Variants in SNTB1 observed in about 807,000 individuals in gnomAD.
SNTB1 encodes the protein syntrophin beta 1.
In SNTB1, 36 loss-of-function variants were observed where a neutral mutation model predicts 48.9. The observed-to-expected ratio is 0.74, with a 90% CI of 0.56 to 0.97. SNTB1 has a LOEUF of 0.97. SNTB1 is among the 50% of genes least tolerant of loss of function. The pLI is 0.00. For missense variants in SNTB1, 786 were observed against 703.4 expected (o/e 1.12, Z -1.33); for synonymous variants, 299 against 294.6 (o/e 1.01, Z -0.15).
At chr8:120,684,655 AT>A (rs1554652904) in intron 2 of SNTB1, among the ~76,000 whole-genome samples, 168 of 141,698 alleles carry the variant, frequency 1.2e-3, no homozygotes, top group East Asian at 2.0e-3. Context: ...CAAAAATTGA[AT>A]TTTTTTTTTT....
chr8:120,635,825 T>C (rs1587050370), intron 2 of SNTB1: 2 of 295,772 alleles, frequency 6.8e-6, no homozygotes, highest in East Asian at 2.0e-4. Flanking sequence ...TCATATGTAC[T>C]TCCTTATTCT....
chr8:120,712,466 T>A (rs74501705), intron 1 of SNTB1, among the ~76,000 whole-genome samples: 3,218 of 149,752 alleles, frequency 0.021, 112 homozygotes, highest in African/African-American at 0.074. Flanking sequence ...ATATAGTGAA[T>A]GAGGTACACA....
intron 2 of SNTB1, among the ~76,000 whole-genome samples, chr8:120,666,569 GT>G (rs993492248): frequency 2.0e-5 from 3 of 152,024 alleles, no homozygotes; most frequent in African/African-American, 7.2e-5. Flanking sequence ...GTACTTTGGT[GT>G]CATTAGTTTC....
intron 1 of SNTB1, among the ~76,000 whole-genome samples, chr8:120,768,198 T>G (rs950747516): frequency 1.3e-5 from 2 of 152,168 alleles, no homozygotes; most frequent in Non-Finnish European, 2.9e-5. Context: ...TTATCCCACC[T>G]GTACATGATG....
chr8:120,755,171 T>TGAGAGAGAGAGAGAGAGC (rs1554584362), intron 1 of SNTB1, among the ~76,000 whole-genome samples: 6 of 92,874 alleles, frequency 6.5e-5, no homozygotes, highest in Non-Finnish European at 1.1e-4. Flanking sequence ...TGTGTGTGTG[T>TGAGAGAGAGAGAGAGAGC]GAGAGAGAGA....
chr8:120,634,380 C>A (rs1456755403), intron 2 of SNTB1, among the ~76,000 whole-genome samples: 1 of 152,052 alleles, frequency 6.6e-6, no homozygotes, highest in African/African-American at 2.4e-5. Flanking sequence ...TCTAATAGCC[C>A]TATGACTGAT....
intron 2 of SNTB1, among the ~76,000 whole-genome samples, chr8:120,662,666 A>G (rs1218695580): frequency 6.6e-6 from 1 of 152,006 alleles, no homozygotes; most frequent in Non-Finnish European, 1.5e-5. Context: ...CATTCCAAAC[A>G]TTTGTTCCCT....
At chr8:120,737,823 G>T (rs1355040729) in intron 1 of SNTB1, among the ~76,000 whole-genome samples, 1 of 151,886 alleles carries the variant, frequency 6.6e-6, no homozygotes, top group Non-Finnish European at 1.5e-5. Context: ...CTCTTCTTAG[G>T]TCTCCTAAGA....
intron 4 of SNTB1, among the ~76,000 whole-genome samples, chr8:120,569,426 T>C (rs1815806693): frequency 6.6e-6 from 1 of 152,262 alleles, no homozygotes. Flanking sequence ...TGTGAACCTG[T>C]AGCAGACACT....
chr8:120,557,401 C>T (rs1815582625), intron 4 of SNTB1, among the ~76,000 whole-genome samples: 1 of 152,196 alleles, frequency 6.6e-6, no homozygotes, highest in Admixed American at 6.5e-5. Context: ...AGTAAGTGCC[C>T]TTCCAGCAAG....
At chr8:120,581,102 A>AAAAAAAAG (rs1816042307) in intron 3 of SNTB1, among the ~76,000 whole-genome samples, 1 of 123,872 alleles carries the variant, frequency 8.1e-6, no homozygotes, top group African/African-American at 3.0e-5. Flanking sequence ...AAAAAAAAAA[A>AAAAAAAAG]AAAAAGAGAA....
At chr8:120,566,531 A>T (rs1044645950) in intron 4 of SNTB1, among the ~76,000 whole-genome samples, 2 of 152,104 alleles carry the variant, frequency 1.3e-5, no homozygotes, top group East Asian at 1.9e-4. Context: ...TCTATTATTT[A>T]TAAATTACCC....
At chr8:120,709,072 A>G (rs1297776217) in intron 1 of SNTB1, among the ~76,000 whole-genome samples, 1 of 152,086 alleles carries the variant, frequency 6.6e-6, no homozygotes, top group Non-Finnish European at 1.5e-5. Context: ...GAGAGAGTGA[A>G]AAAATGGAAG....
At chr8:120,729,489 AGATATC>A (rs1342588303) in intron 1 of SNTB1, among the ~76,000 whole-genome samples, 1 of 152,270 alleles carries the variant, frequency 6.6e-6, no homozygotes, top group African/African-American at 2.4e-5. Flanking sequence ...GTATATGTCT[AGATATC>A]TCTGAAATAT....
chr8:120,593,651 A>G (rs947229000), intron 3 of SNTB1, among the ~76,000 whole-genome samples: 1 of 152,218 alleles, frequency 6.6e-6, no homozygotes, highest in Non-Finnish European at 1.5e-5. Context: ...CGGTATTTGC[A>G]TCTTAAGAAG....
chr8:120,788,833 T>C lies in SNTB1; in HGVS notation c.571+22440A>G, dbSNP rs1057050853. ...TCCATTGACAGCACTAGACAGAACA[T>C]TGAGGCAGAAAATCAACAAAGAAAC... On this transcript the variant is annotated intron_variant, in intron 1 of 6. Coordinates refer to ENST00000517992, the MANE Select transcript of SNTB1 (RefSeq NM_021021.4). Among the ~76,000 whole-genome samples, 6 of 152,024 alleles carry C rather than the reference T, an allele frequency of 3.9e-5. No homozygotes were observed. In the South Asian group the frequency reaches 6.2e-4, roughly 16 times the overall value.
chr8:120,589,195 A>C (rs934660547), intron 3 of SNTB1, among the ~76,000 whole-genome samples: 2 of 152,154 alleles, frequency 1.3e-5, no homozygotes, highest in Admixed American at 1.3e-4. Context: ...TCATTCTGAT[A>C]CTGGATTATA....
intron 3 of SNTB1, among the ~76,000 whole-genome samples, chr8:120,596,018 C>A (rs1348742072): frequency 6.6e-6 from 1 of 152,110 alleles, no homozygotes; most frequent in Non-Finnish European, 1.5e-5. Flanking sequence ...CTTTTTCATG[C>A]ATGTGTTTCT....
intron 1 of SNTB1, among the ~76,000 whole-genome samples, chr8:120,746,977 G>A (rs546806394): frequency 1.3e-5 from 2 of 152,200 alleles, no homozygotes; most frequent in South Asian, 2.1e-4. Flanking sequence ...GGAGCAACAT[G>A]CACAGCAACA....
Sources: gnomAD v4.1 joint callset for allele counts (sites outside exome capture counted in the v4.1 genomes callset) on GRCh38, gnomAD v4.1.1 for gene constraint, MANE v1.5 for transcripts, NCBI Gene and HGNC (gene_info 2026-07-23, HGNC 2026-07-21) for gene names.